The following CYP24A1 variants were observed in gnomAD, a reference collection of about 807,000 sequenced individuals.
CYP24A1 encodes the protein cytochrome P450 family 24 subfamily A member 1.
A neutral mutation model predicts 62.4 loss-of-function variants in CYP24A1; 68 were observed. The observed-to-expected ratio is 1.09, with a 90% confidence interval of 0.90 to 1.33. The LOEUF is 1.33. Ranked by LOEUF, CYP24A1 falls within the 40% of genes most tolerant of loss-of-function variation. The probability of loss-of-function intolerance (pLI) is 0.00; values close to 1 mark genes in which losing one functional copy is unlikely to be tolerated. For synonymous variants in CYP24A1, 267 were observed against 253.0 expected, an observed-to-expected ratio of 1.06 and a Z score of -0.52; for missense variants, 787 against 653.0, an observed-to-expected ratio of 1.21 and a Z score of -2.24.
Position 54,157,411 on chromosome 20 carries a change from G to GA in CYP24A1, c.1410dup (p.Gln471SerfsTer21). 4.4e-6 allele frequency: 7 copies of GA among 1,597,848 alleles called. No homozygotes were observed. Among genetic ancestry groups the GA allele is most frequent in the Non-Finnish European group, 6.0e-6 (7 of 1,165,090 alleles). ...ACCCAACAAAGAGCCAAATGCAGTT[G>GA]AAGCTCTGCTAATCGGCGACCAATG... On this transcript the variant is annotated frameshift_variant, in exon 10 of 12. Coordinates refer to ENST00000216862, the MANE Select transcript of CYP24A1 (RefSeq NM_000782.5). LOFTEE classifies it high-confidence loss of function.
At chr20:54,169,770 A>AG (rs1184887374) in intron 3 of CYP24A1, 82 bp from the exon 4 acceptor site, 1 of 1,593,842 alleles carries the variant, frequency 6.3e-7, no homozygotes, top group East Asian at 2.3e-5. Flanking sequence ...AGCTAACTTC[A>AG]GGTCTTGCTA....
downstream of CYP24A1, among the ~76,000 whole-genome samples, chr20:54,152,169 C>T (rs1010024353): frequency 6.6e-6 from 1 of 152,174 alleles, no homozygotes; most frequent in Non-Finnish European, 1.5e-5. Context: ...ATGGCTGGCA[C>T]CTGCAGCCTT....
chr20:54,166,007 C>T (rs1349407119), intron 4 of CYP24A1, among the ~76,000 whole-genome samples, 174 bp from the exon 5 acceptor site: 2 of 152,216 alleles, frequency 1.3e-5, no homozygotes, highest in African/African-American at 4.8e-5. Flanking sequence ...AAAGGGGACA[C>T]CATCACTTTC....
In CYP24A1 at chr20:54,157,414, G is replaced by A. The variant is rs766452282; in HGVS notation, c.1408C>T (p.Leu470Phe). The A allele has an allele frequency of 1.3e-6, 2 of 1,599,736 alleles. No homozygotes were observed. The highest frequency in any genetic ancestry group is 1.7e-6 in the Non-Finnish European group (2 of 1,166,806). The change falls in exon 10 of 12, where the codon CTT becomes TTT. Residue 470 changes from leucine (L) to phenylalanine (F), a missense_variant. Leu to Phe is a conservative substitution (Grantham distance 22). Coordinates refer to ENST00000216862, the MANE Select transcript of CYP24A1 (RefSeq NM_000782.5). ...CAACAAAGAGCCAAATGCAGTTGAA[G>A]CTCTGCTAATCGGCGACCAATGCAC... ...RMCIGRRLAE[L>F]QLHLALCWIV...
At chr20:54,157,943 T>C (rs2092635477) in intron 9 of CYP24A1, 143 bp downstream of exon 9, 2 of 1,406,134 alleles carry the variant, frequency 1.4e-6, no homozygotes, top group Middle Eastern at 2.5e-4. Flanking sequence ...TTCTATACTA[T>C]GCAACATGTC....
intron 4 of CYP24A1, among the ~76,000 whole-genome samples, chr20:54,166,970 C>T (rs773350979): frequency 1.3e-5 from 2 of 151,840 alleles, no homozygotes; most frequent in African/African-American, 2.4e-5. Flanking sequence ...GCCCAGGAGG[C>T]CGAGGTTGCA....
intron 6 of CYP24A1, among the ~76,000 whole-genome samples, chr20:54,163,069 C>G (rs1438853223): frequency 1.3e-5 from 2 of 152,222 alleles, no homozygotes; most frequent in African/African-American, 2.4e-5. Context: ...CAAGGCTTCT[C>G]AAACTTTAAT....
chr20:54,171,886 T>C, intron 2 of CYP24A1: 1 of 1,211,808 alleles, frequency 8.3e-7, no homozygotes, highest in Non-Finnish European at 1.1e-6. Flanking sequence ...GCACCTTTCC[T>C]CCTAGTCAAA....
rs144737632 is a variant in CYP24A1, at chr20:54,173,679, A to G, written c.-100T>C. 0.019 allele frequency: 15,321 copies of G among 794,036 alleles called. 181 individuals carry two copies. The highest frequency in any genetic ancestry group is 0.036 in the Middle Eastern group (97 of 2,720). The allele number at this position is 794,036 out of a possible 1,614,324, so 49.2% of individuals were successfully genotyped here. A position where few individuals can be genotyped will look rare whatever the true frequency, so the allele number is the denominator to read the frequency against. ...AGTCGGGGCTTAACGATTCTGGGAA[A>G]AGGAAGCAAAGAGGGCCAGCTGGTG... On this transcript the variant is annotated 5_prime_UTR_variant, in exon 1 of 12. Transcript: ENST00000216862. This position sits in a 1 kb window ranked among gnomAD's most constrained non-coding sequence, Gnocchi z 7.2.
rs1315765600 is a variant in CYP24A1 at position 54,173,373 on chromosome 20, G to C, written c.207C>G (p.Ser69Arg). 2 of 1,600,858 alleles carry C rather than the reference G, an allele frequency of 1.2e-6. No homozygotes were observed. The highest frequency in any genetic ancestry group is 1.7e-6 in the Non-Finnish European group (2 of 1,172,738). Residue 69 changes from serine (S) to arginine (R), a missense_variant, in exon 1 of 12, where the codon AGC becomes AGG. By Grantham distance (110) the Ser-to-Arg change is moderately radical. Transcript: ENST00000216862. The surrounding 1 kb of genome is among the most constrained non-coding windows in gnomAD (Gnocchi z 7.2). ...CCCCTTTCCAGAGAATCTGCAGCAG[G>C]CTGCCCAGCAGTGGCCAGCTGGTGG... Reference protein sequence around the residue: ...PGPTSWPLLGSLLQILWKGGL... With the variant: ...PGPTSWPLLGRLLQILWKGGL...
At position 54,173,203 on chromosome 20, in the gene CYP24A1, C is replaced by A. The variant is rs879038172; in HGVS notation, c.259-104G>T. 2.0e-5 allele frequency: 31 copies of A among 1,532,334 alleles called. No homozygotes were observed. In the African/African-American group the frequency reaches 3.9e-4, roughly 20 times the overall value. 94.9% of individuals were successfully genotyped at this position (1,532,334 alleles called of 1,614,324 possible). On this transcript the variant is annotated intron_variant, in intron 1 of 11. Transcript: ENST00000216862. The surrounding 1 kb of genome is among the most constrained non-coding windows in gnomAD (Gnocchi z 7.2). ...TTCCTCCTAGGGGACCGGGGACCCTCCCTGCCCAGACGCCGAAGCGCACCA... is the reference window on the plus strand; with the variant it reads ...TTCCTCCTAGGGGACCGGGGACCCTACCTGCCCAGACGCCGAAGCGCACCA...
intron 7 of CYP24A1, among the ~76,000 whole-genome samples, chr20:54,160,970 C>G (rs934808909): frequency 6.6e-6 from 1 of 152,230 alleles, no homozygotes; most frequent in African/African-American, 2.4e-5. Context: ...TACCCACTCT[C>G]TTGGCTAAGT....
intron 6 of CYP24A1, among the ~76,000 whole-genome samples, chr20:54,163,402 C>T (rs1036752230): frequency 1.3e-5 from 2 of 152,122 alleles, no homozygotes; most frequent in East Asian, 1.9e-4. Flanking sequence ...AAAATCTAGG[C>T]GTGTACCTCC....
intron 2 of CYP24A1, 182 bp downstream of exon 2, chr20:54,172,727 G>A: frequency 7.2e-7 from 1 of 1,395,978 alleles, no homozygotes; most frequent in Non-Finnish European, 9.5e-7. Context: ...CTTTTCCGTG[G>A]ACCGACTCTA....
rs1223464030 is a variant in CYP24A1, at chr20:54,171,682, G to A, written c.450-12C>T. On this transcript the variant is annotated splice_polypyrimidine_tract_variant and intron_variant, in intron 2 of 11. Coordinates refer to ENST00000216862, the MANE Select transcript of CYP24A1 (RefSeq NM_000782.5). ...AGTCTTCCCCTTCCCTGTGAGAGAAGCAGGAATACATTTAGAGCACACTGA... is the reference window on the plus strand; with the variant it reads ...AGTCTTCCCCTTCCCTGTGAGAGAAACAGGAATACATTTAGAGCACACTGA... The A allele has an allele frequency of 1.2e-6, 2 of 1,613,766 alleles. No homozygotes were observed. Among genetic ancestry groups the A allele is most frequent in the Non-Finnish European group, 1.7e-6 (2 of 1,179,912 alleles).
intron 7 of CYP24A1, 60 bp from the exon 8 acceptor site, chr20:54,159,183 A>T: frequency 7.2e-7 from 1 of 1,397,726 alleles, no homozygotes. Flanking sequence ...AACCACTATT[A>T]GCTGAAAAAA....
chr20:54,148,177 C>G, the CYP24A1 span, among the ~76,000 whole-genome samples: 1 of 151,632 alleles, frequency 6.6e-6, no homozygotes, highest in East Asian at 1.9e-4. Context: ...GCCTATTTTT[C>G]TTTTCTTTTC....
At chr20:54,164,364 C>G (rs2092663170) in intron 6 of CYP24A1, 88 bp downstream of exon 6, 1 of 1,609,408 alleles carries the variant, frequency 6.2e-7, no homozygotes, top group South Asian at 1.1e-5. Context: ...TGATGAGGCT[C>G]AGGAGATCAC....
rs1568973998 is a variant in CYP24A1 at position 54,169,703 on chromosome 20, A to G, written c.544-15T>C. 2.5e-6 allele frequency: 4 copies of G among 1,613,936 alleles called. No individual in the cohort carries two copies. The South Asian group carries it at 3.3e-5, about 13-fold the overall frequency. ...TCGGCCAAGACCTTCAAAGAAAACA[A>G]CCGCAAAAGACACATTTTAAAGCCG... On this transcript the variant is annotated splice_polypyrimidine_tract_variant and intron_variant, in intron 3 of 11. Transcript: ENST00000216862.
Sources: gnomAD v4.1 joint callset for allele counts (sites outside exome capture counted in the v4.1 genomes callset) on GRCh38, gnomAD v4.1.1 for gene constraint, Gnocchi (gnomAD v3.1) non-coding constraint, MANE v1.5 for transcripts, NCBI Gene and HGNC (gene_info 2026-07-23, HGNC 2026-07-21) for gene names.